The following RAD51B variants were observed in gnomAD, a reference collection of about 807,000 sequenced individuals.
The protein encoded by RAD51B is DNA repair protein RAD51 homolog 2.
Under a neutral mutation model 42.2 loss-of-function variants are expected in RAD51B, and 38 were observed. The observed-to-expected ratio is 0.90, with a 90% CI of 0.70 to 1.18. RAD51B has a LOEUF of 1.18. RAD51B is among the 50% of genes most tolerant of loss of function. The probability of loss-of-function intolerance (pLI) is 0.00; values close to 1 mark genes in which losing one functional copy is unlikely to be tolerated. For synonymous variants in RAD51B, 154 were observed against 145.2 expected, an observed-to-expected ratio of 1.06 and a Z score of -0.43; for missense variants, 373 against 400.7, an observed-to-expected ratio of 0.93 and a Z score of 0.59.
chr14:67,911,305 G>T (rs1200000647), intron 7 of RAD51B, among the ~76,000 whole-genome samples: 1 of 152,192 alleles, frequency 6.6e-6, no homozygotes, highest in Non-Finnish European at 1.5e-5. Flanking sequence ...TGTTGGAAAT[G>T]AGGAATTTTA....
intron 10 of RAD51B, among the ~76,000 whole-genome samples, chr14:68,609,604 G>A (rs976927145): frequency 1.3e-5 from 2 of 152,218 alleles, no homozygotes; most frequent in African/African-American, 4.8e-5. Flanking sequence ...ACCGGAAGCT[G>A]TGTGGCAGCA....
intron 7 of RAD51B, among the ~76,000 whole-genome samples, chr14:68,099,230 G>A (rs2140543846): frequency 6.6e-6 from 1 of 152,270 alleles, no homozygotes; most frequent in South Asian, 2.1e-4. Flanking sequence ...ATAGGATACT[G>A]GTCCTGGGGA....
At chr14:68,054,091 A>G (rs909634570) in intron 7 of RAD51B, among the ~76,000 whole-genome samples, 2 of 152,238 alleles carry the variant, frequency 1.3e-5, no homozygotes, top group African/African-American at 4.8e-5. Context: ...ACAGTCTCTT[A>G]TACAAACATG....
intron 7 of RAD51B, among the ~76,000 whole-genome samples, chr14:68,265,026 A>T (rs942688739): frequency 1.3e-5 from 2 of 152,202 alleles, no homozygotes; most frequent in Non-Finnish European, 2.9e-5. Context: ...AATACTGATC[A>T]AGTGACCAGA....
At chr14:67,873,270 T>A (rs2042606625) in intron 5 of RAD51B, among the ~76,000 whole-genome samples, 1 of 152,188 alleles carries the variant, frequency 6.6e-6, no homozygotes, top group Non-Finnish European at 1.5e-5. Flanking sequence ...CATCAAAAAG[T>A]GGGCGAAGGA....
chr14:68,421,762 A>T, intron 9 of RAD51B: 1 of 1,598,236 alleles, frequency 6.3e-7, no homozygotes, highest in Non-Finnish European at 8.5e-7. Context: ...CCTGGACCCA[A>T]AGCACTCCAT....
intron 10 of RAD51B, among the ~76,000 whole-genome samples, chr14:68,530,546 A>C (rs1012313862): frequency 2.0e-5 from 3 of 151,926 alleles, no homozygotes; most frequent in African/African-American, 7.2e-5. Flanking sequence ...CTGCATTGAT[A>C]ATAGACATCT....
At chr14:68,362,691 T>C (rs879271953) in intron 8 of RAD51B, among the ~76,000 whole-genome samples, 1 of 151,816 alleles carries the variant, frequency 6.6e-6, no homozygotes, top group African/African-American at 2.4e-5. Context: ...CTACTAAAAA[T>C]ACAAAAAATT....
At chr14:68,667,240 C>T (rs897932730) in intron 11 of RAD51B, among the ~76,000 whole-genome samples, 7 of 152,206 alleles carry the variant, frequency 4.6e-5, no homozygotes, top group African/African-American at 1.2e-4. Context: ...GATGCTTCAG[C>T]CTTGAGTCCA....
At chr14:68,354,539 G>T (rs1039497401) in intron 8 of RAD51B, among the ~76,000 whole-genome samples, 12 of 149,198 alleles carry the variant, frequency 8.0e-5, no homozygotes, top group African/African-American at 2.9e-4. Flanking sequence ...CGAGTAAAAT[G>T]AAGTTTGTCA....
chr14:67,934,336 A>C (rs2044855232), intron 7 of RAD51B, among the ~76,000 whole-genome samples: 1 of 152,190 alleles, frequency 6.6e-6, no homozygotes, highest in South Asian at 2.1e-4. Flanking sequence ...AAAAGAGAGG[A>C]AAGAAGTGGG....
At chr14:68,327,775 A>T (rs193062820) in intron 8 of RAD51B, among the ~76,000 whole-genome samples, 80 of 152,332 alleles carry the variant, frequency 5.3e-4, no homozygotes, top group African/African-American at 1.9e-3. Flanking sequence ...TTATAAGTAC[A>T]AAGGAATATC....
At chr14:68,669,176 G>C (rs2140152899) in intron 11 of RAD51B, among the ~76,000 whole-genome samples, 1 of 152,340 alleles carries the variant, frequency 6.6e-6, no homozygotes, top group South Asian at 2.1e-4. Flanking sequence ...GGAAACAGTG[G>C]CCTCTTGATC....
At position 67,873,666 on chromosome 14, in the gene RAD51B, T is replaced by C. The variant is rs1197410313; in HGVS notation, c.452+8527T>C. Among the ~76,000 whole-genome samples, 3 of 150,682 alleles carry C rather than the reference T, an allele frequency of 2.0e-5. No individual in the cohort carries two copies. In the South Asian group the frequency reaches 6.3e-4, roughly 32 times the overall value. On this transcript the variant is annotated intron_variant, in intron 5 of 10. Transcript: ENST00000471583. ...ATGTTTATTGTGGCATTATTCACAA[T>C]AGCAAAGACTTGGAACCAACCCAAA...
intron 8 of RAD51B, among the ~76,000 whole-genome samples, chr14:68,325,265 C>T (rs1235967131): frequency 2.6e-5 from 4 of 152,146 alleles, no homozygotes; most frequent in Non-Finnish European, 2.9e-5. Flanking sequence ...ATATGTAAAA[C>T]ACTTAGCACA....
At chr14:67,984,064 G>A (rs775214955) in intron 7 of RAD51B, among the ~76,000 whole-genome samples, 15 of 151,724 alleles carry the variant, frequency 9.9e-5, no homozygotes, top group Non-Finnish European at 4.4e-5. Flanking sequence ...TCAGCCTCCC[G>A]AGTAGCTGGG....
chr14:68,568,213 T>C lies in RAD51B; in HGVS notation c.1037-26272T>C, dbSNP rs76951993. Among the ~76,000 whole-genome samples, 536 of 152,240 alleles carry C rather than the reference T, an allele frequency of 3.5e-3. 3 individuals carry two copies. The highest frequency in any genetic ancestry group is 0.024 in the East Asian group (123 of 5,178). On this transcript the variant is annotated intron_variant, in intron 10 of 10. Coordinates refer to the RAD51B transcript ENST00000487270. ...AAGCAAACAGATCACCATAATACAA[T>C]GTGAAAAGTGCTAAGATAGAAACAT...
rs575911022 is a variant in RAD51B, at chr14:68,157,959, A to C, written c.757-133925A>C. On this transcript the variant is annotated intron_variant, in intron 7 of 10. Transcript: ENST00000471583. ...AGGAAGCTGTGATCTCTGCTGTGATAATCCTAGAAGACATTGCTCAAGCCA... is the reference window on the plus strand; with the variant it reads ...AGGAAGCTGTGATCTCTGCTGTGATCATCCTAGAAGACATTGCTCAAGCCA... 3.3e-5 allele frequency among the ~76,000 whole-genome samples: 5 copies of C among 152,306 alleles called. No homozygotes were observed. The South Asian group carries it at 8.3e-4, about 25-fold the overall frequency.
intron 3 of RAD51B, 104 bp from the exon 4 acceptor site, chr14:67,834,976 G>A (rs2041180916): frequency 1.3e-6 from 1 of 768,950 alleles, no homozygotes; most frequent in African/African-American, 1.8e-5. Flanking sequence ...AAGGGAAAAG[G>A]ATGGATTAGG....
Sources: allele counts gnomAD v4.1 joint callset (sites outside exome capture counted in the v4.1 genomes callset), GRCh38; gene constraint gnomAD v4.1.1; transcripts MANE v1.5; gene names NCBI Gene and HGNC (gene_info 2026-07-23, HGNC 2026-07-21).